AP2A2: variants seen among roughly 807,000 people sequenced by gnomAD.
AP2A2 encodes the protein AP-2 complex subunit alpha-2.
In AP2A2, 32 loss-of-function variants were observed where a neutral mutation model predicts 104.2. The observed-to-expected ratio is 0.31, with a 90% CI of 0.23 to 0.41. AP2A2 has a LOEUF of 0.41. AP2A2 is among the 10% of genes least tolerant of loss of function. The pLI is 1.00. For synonymous variants in AP2A2, 539 were observed against 533.3 expected, an observed-to-expected ratio of 1.01 and a Z score of -0.15; for missense variants, 912 against 1,261.0, an observed-to-expected ratio of 0.72 and a Z score of 4.19.
At chr11:932,216 G>C (rs1853314611) in intron 1 of AP2A2, among the ~76,000 whole-genome samples, 2 of 152,212 alleles carry the variant, frequency 1.3e-5, no homozygotes, top group South Asian at 4.1e-4. Flanking sequence ...GCCTCCCAAA[G>C]TGCTGGGATT....
chr11:998,572 C>T (rs1855931038), intron 14 of AP2A2, among the ~76,000 whole-genome samples: 1 of 152,098 alleles, frequency 6.6e-6, no homozygotes, highest in African/African-American at 2.4e-5. Context: ...TAAAGTTACT[C>T]AAGACGAATC....
At chr11:984,194 A>AT (rs1564809023) in intron 6 of AP2A2, among the ~76,000 whole-genome samples, 3 of 151,954 alleles carry the variant, frequency 2.0e-5, no homozygotes, top group African/African-American at 7.3e-5. Flanking sequence ...ATGGGATGTG[A>AT]GTGAGGTGGG....
At chr11:974,698 A>AAAAGG (rs1854959728) in intron 4 of AP2A2, among the ~76,000 whole-genome samples, 1 of 137,146 alleles carries the variant, frequency 7.3e-6, no homozygotes, top group Non-Finnish European at 1.6e-5. Context: ...AAAAAAAAAA[A>AAAAGG]AAAGAAAGCT....
chr11:946,484 G>A (rs10902239), intron 1 of AP2A2: 77,107 of 151,962 alleles, frequency 0.51, 20,189 homozygotes, highest in Middle Eastern at 0.66. Context: ...GAAAATAGAG[G>A]AATTGGCTGG....
chr11:947,450 C>T (rs1853885880), intron 1 of AP2A2, among the ~76,000 whole-genome samples: 1 of 152,310 alleles, frequency 6.6e-6, no homozygotes, highest in East Asian at 1.9e-4. Context: ...CAACATTTCT[C>T]CGTACCATTA....
At chr11:928,250 A>G (rs1853180754) in intron 1 of AP2A2, among the ~76,000 whole-genome samples, 1 of 152,240 alleles carries the variant, frequency 6.6e-6, no homozygotes, top group Non-Finnish European at 1.5e-5. Context: ...AGATATTTAA[A>G]GAGACCACAT....
chr11:976,381 C>T (rs1370439778), intron 4 of AP2A2, among the ~76,000 whole-genome samples: 1 of 152,166 alleles, frequency 6.6e-6, no homozygotes, highest in African/African-American at 2.4e-5. Flanking sequence ...CCATGTGGGG[C>T]AGCAGATTCC....
chr11:1,008,897 C>A (rs573422279), intron 18 of AP2A2: 2 of 581,766 alleles, frequency 3.4e-6, no homozygotes, highest in Admixed American at 6.2e-5. Flanking sequence ...CCTGAGTATG[C>A]GGCCCTGGCC....
chr11:1,012,094 G>C lies in AP2A2; in HGVS notation c.*1469G>C, dbSNP rs1340929090. The C allele has an allele frequency of 6.5e-6, 1 of 153,114 alleles. No individual in the cohort carries two copies. The highest frequency in any genetic ancestry group is 1.5e-5 in the Non-Finnish European group (1 of 68,724). The allele number at this position is 153,114 out of a possible 1,614,324, so 9.5% of individuals were successfully genotyped here. A position where few individuals can be genotyped will look rare whatever the true frequency, so the allele number is the denominator to read the frequency against. On this transcript the variant is annotated 3_prime_UTR_variant, in exon 22 of 22. Transcript: ENST00000448903. ...TGTGTGCTGCGCCTGCAGGCTGCGTGTGCTGCCGTGGATCTCCTGCATCCC... is the reference window on the plus strand; with the variant it reads ...TGTGTGCTGCGCCTGCAGGCTGCGTCTGCTGCCGTGGATCTCCTGCATCCC...
At chr11:998,037 G>A (rs962162348) in intron 14 of AP2A2, among the ~76,000 whole-genome samples, 4 of 152,298 alleles carry the variant, frequency 2.6e-5, no homozygotes, top group Admixed American at 2.0e-4. Flanking sequence ...CCATGGCCAA[G>A]GCCGATGGCT....
At chr11:978,954 G>A (rs1423413554) in intron 5 of AP2A2, among the ~76,000 whole-genome samples, 1 of 152,166 alleles carries the variant, frequency 6.6e-6, no homozygotes, top group Admixed American at 6.5e-5. Flanking sequence ...CGAGCCTTGG[G>A]TCTGTAGCCT....
intron 14 of AP2A2, among the ~76,000 whole-genome samples, chr11:997,278 G>A (rs922015438): frequency 5.9e-5 from 9 of 152,200 alleles, no homozygotes; most frequent in Non-Finnish European, 8.8e-5. Flanking sequence ...GCGTGTCCCC[G>A]GGTGTGCTGG....
In AP2A2 at chr11:1,010,794, G is replaced by C; in HGVS notation, c.*169G>C. 1 of 685,186 alleles carries C rather than the reference G, an allele frequency of 1.5e-6. No homozygotes were observed. The highest frequency in any genetic ancestry group is 1.6e-5 in the South Asian group (1 of 63,598). 42.4% of individuals were successfully genotyped at this position (685,186 alleles called of 1,614,324 possible). ...CTTTGGGCTGGACGGGAACACACGT[G>C]TGTGGCTCAGGAGGAAAAGCTCAGC... is the stretch of plus-strand genomic sequence containing the variant. On this transcript the variant is annotated 3_prime_UTR_variant, in exon 22 of 22. Transcript: ENST00000448903.
At chr11:1,007,875 C>T in intron 17 of AP2A2, 137 bp from the exon 18 acceptor site, 1 of 1,276,446 alleles carries the variant, frequency 7.8e-7, no homozygotes, top group Non-Finnish European at 1.1e-6. Flanking sequence ...GGTGGTGTGG[C>T]TGCCCTCGAC....
chr11:935,915 TC>T (rs961491910), intron 1 of AP2A2, among the ~76,000 whole-genome samples: 4 of 148,314 alleles, frequency 2.7e-5, no homozygotes, highest in East Asian at 2.0e-4. Flanking sequence ...TTTTTTTTTT[TC>T]CCCCAGGCGG....
intron 1 of AP2A2, among the ~76,000 whole-genome samples, chr11:950,463 C>T (rs1315871044): frequency 1.3e-5 from 2 of 152,094 alleles, no homozygotes; most frequent in African/African-American, 4.8e-5. Context: ...CCTGCACCAC[C>T]ATGCCCAGCT....
chr11:951,775 G>A (rs1374856445), intron 1 of AP2A2, among the ~76,000 whole-genome samples: 1 of 152,210 alleles, frequency 6.6e-6, no homozygotes, highest in African/African-American at 2.4e-5. Context: ...GCTGACTGCT[G>A]TGCTAACCAC....
chr11:978,356 C>A (rs1238580088), intron 5 of AP2A2, among the ~76,000 whole-genome samples: 1 of 152,182 alleles, frequency 6.6e-6, no homozygotes, highest in Non-Finnish European at 1.5e-5. Flanking sequence ...CATGGCCATG[C>A]AGCCGCAGGG....
At chr11:953,634 TCTGCCTCC>T (rs1854128114) in intron 1 of AP2A2, among the ~76,000 whole-genome samples, 1 of 146,900 alleles carries the variant, frequency 6.8e-6, no homozygotes, top group Non-Finnish European at 1.5e-5. Flanking sequence ...TCTGCCTCCG[TCTGCCTCC>T]GTCTGCCTGC....
Sources: gnomAD v4.1 joint callset for allele counts (sites outside exome capture counted in the v4.1 genomes callset) on GRCh38, gnomAD v4.1.1 for gene constraint, MANE v1.5 for transcripts, NCBI Gene and HGNC (gene_info 2026-07-23, HGNC 2026-07-21) for gene names.